Variants in HUWE1 observed in about 807,000 individuals in gnomAD.
HUWE1 encodes HECT, UBA and WWE domain containing E3 ubiquitin protein ligase 1.
Under a neutral mutation model 299.4 loss-of-function variants are expected in HUWE1, and 18 were observed. The observed-to-expected ratio is 0.06, with a 90% CI of 0.04 to 0.09. The LOEUF (loss-of-function observed/expected upper bound fraction) is 0.09, where lower values mean the gene tolerates loss of function less well. Among genes scored for constraint, HUWE1 ranks in the 10% least tolerant of loss-of-function variants. HUWE1 has a pLI of 1.00. For synonymous variants in HUWE1, 1,317 were observed against 1,286.1 expected, an observed-to-expected ratio of 1.02 and a Z score of -0.51; for missense variants, 1,832 against 3,462.3, an observed-to-expected ratio of 0.53 and a Z score of 11.82.
At chrX:53,603,345 AAG>A (rs113393693) in intron 27 of HUWE1, 21 bp downstream of exon 27, 1 of 1,203,181 alleles carries the variant, frequency 8.3e-7, no homozygotes, top group Non-Finnish European at 1.1e-6. Context: ...ACAAAGTAAT[AAG>A]AGAGAGAGCC....
intron 74 of HUWE1, 126 bp from the exon 75 acceptor site, chrX:53,539,938 C>A: frequency 1.7e-6 from 1 of 591,488 alleles, no homozygotes; most frequent in East Asian, 3.6e-5. Flanking sequence ...CTGAGTGGTA[C>A]TCACCGAGCA....
chrX:53,609,906 A>T (rs1443185680), intron 23 of HUWE1, among the ~76,000 whole-genome samples: 1 of 111,909 alleles, frequency 8.9e-6, no homozygotes, highest in African/African-American at 3.3e-5. Flanking sequence ...TGGCAGCAGA[A>T]TATAGAACAG....
chrX:53,632,422 A>G (rs1225512311), intron 9 of HUWE1, 65 bp downstream of exon 9: 1 of 822,100 alleles, frequency 1.2e-6, no homozygotes, highest in African/African-American at 2.0e-5. Flanking sequence ...GAGGAGTTCT[A>G]GAAGAGGCAA....
At position 53,552,313 on chromosome X, in the gene HUWE1, G is replaced by A; in HGVS notation, c.8879C>T (p.Ala2960Val). ...STSSEEEDPL[A>V]GISLPEGVDP... ...ACCTGGGCATACACGGAACTCACCCGCAAGGGGATCTTCTTCTTCACTGCT... is the reference window on the plus strand; with the variant it reads ...ACCTGGGCATACACGGAACTCACCCACAAGGGGATCTTCTTCTTCACTGCT... The change falls in exon 63 of 84, where the codon GCG becomes GTG. Residue 2960 changes from alanine to valine, a missense_variant and splice_region_variant. Around this residue, in one of 15 missense-constraint regions of HUWE1, gnomAD observed 91 missense variants for 281.2 expected, o/e 0.32. Transcript: ENST00000262854. 2 of 1,210,981 alleles carry A rather than the reference G, an allele frequency of 1.7e-6. No individual in the cohort carries two copies. The highest frequency in any genetic ancestry group is 1.1e-6 in the Non-Finnish European group (1 of 895,137).
chrX:53,569,418 C>G (rs1256021594), intron 48 of HUWE1, among the ~76,000 whole-genome samples, 198 bp downstream of exon 48: 1 of 112,860 alleles, frequency 8.9e-6, no homozygotes, highest in East Asian at 2.8e-4. Context: ...CCTTTGTTTT[C>G]TCTAGGTTTA....
intron 18 of HUWE1, among the ~76,000 whole-genome samples, 197 bp downstream of exon 18, chrX:53,624,960 G>A (rs1250282309): frequency 1.8e-5 from 2 of 112,121 alleles, no homozygotes; most frequent in South Asian, 3.7e-4. Flanking sequence ...GGGAAAAAAA[G>A]GGTAAATCAT....
chrX:53,610,242 C>T (rs1035754645), intron 23 of HUWE1, among the ~76,000 whole-genome samples: 1 of 111,847 alleles, frequency 8.9e-6, no homozygotes, highest in East Asian at 2.8e-4. Context: ...TGGCAAAGAG[C>T]CTAAGTAGTA....
rs1479620778 is a variant in HUWE1 at position 53,653,196 on chromosome X, T to C, written c.45+867A>G. Among the ~76,000 whole-genome samples, 7 of 112,502 alleles carry C rather than the reference T, an allele frequency of 6.2e-5. No individual in the cohort carries two copies. In the Admixed American group the frequency reaches 6.6e-4, roughly 11 times the overall value. ...CTGGAAGAAATGCAGCAAAATGTTATTGTTATCTTTTGGTGATACTTGCCA... is the reference window on the plus strand; with the variant it reads ...CTGGAAGAAATGCAGCAAAATGTTACTGTTATCTTTTGGTGATACTTGCCA... On this transcript the variant is annotated intron_variant, in intron 4 of 83. Coordinates refer to ENST00000262854, the MANE Select transcript of HUWE1 (RefSeq NM_031407.7).
rs139152809 is a variant in HUWE1 at position 53,616,974 on chromosome X, G to C, written c.1953C>G (p.Pro651=). The change falls in exon 21 of 84, where the codon CCC becomes CCG. Residue 651 remains proline, a synonymous_variant. Coordinates refer to ENST00000262854, the MANE Select transcript of HUWE1 (RefSeq NM_031407.7). ...PAMRRRRSSD[P]LGDTASNLGS... ...AAATAAATCTTAACAACTTACCAAG[G>C]GGATCAGAACTTCTCCTCCTCCGCA... 222 of 1,203,680 alleles carry C rather than the reference G, an allele frequency of 1.8e-4. No homozygotes were observed. In the African/African-American group the frequency reaches 3.7e-3, roughly 20 times the overall value.
At chrX:53,584,722 C>T (rs908778104) in intron 40 of HUWE1, among the ~76,000 whole-genome samples, 25 of 111,630 alleles carry the variant, frequency 2.2e-4, no homozygotes, top group Non-Finnish European at 1.9e-4. Context: ...TAACTCTCCT[C>T]CTCCTAACAC....
intron 12 of HUWE1, among the ~76,000 whole-genome samples, chrX:53,630,210 T>C (rs180896697): frequency 8.9e-6 from 1 of 112,336 alleles, no homozygotes; most frequent in African/African-American, 3.2e-5. Flanking sequence ...GAAATCATGC[T>C]AGATATGAGT....
At chrX:53,667,232 A>G (rs1194784015) in intron 3 of HUWE1, among the ~76,000 whole-genome samples, 1 of 112,730 alleles carries the variant, frequency 8.9e-6, no homozygotes, top group Non-Finnish European at 1.9e-5. Context: ...AATACAGAGT[A>G]TATCTTTAAG....
chrX:53,604,881 A>T, intron 25 of HUWE1, 47 bp from the exon 26 acceptor site: 1 of 1,113,981 alleles, frequency 9.0e-7, no homozygotes, highest in Non-Finnish European at 1.2e-6. Flanking sequence ...ATGAACTTCA[A>T]ATTCATCATG....
At chrX:53,604,983 C>T (rs782758330) in intron 25 of HUWE1, 149 bp from the exon 26 acceptor site, 3 of 510,324 alleles carry the variant, frequency 5.9e-6, no homozygotes, top group Non-Finnish European at 9.9e-6. Context: ...AATGGTGGAA[C>T]CCAAATATGA....
At chrX:53,585,485 G>A (rs1402782221) in intron 39 of HUWE1, among the ~76,000 whole-genome samples, 5 of 111,218 alleles carry the variant, frequency 4.5e-5, no homozygotes, top group Non-Finnish European at 7.5e-5. Context: ...TGGGGACTCC[G>A]CCCCTCATGA....
At position 53,681,961 on chromosome X, in the gene HUWE1, T is replaced by C. The variant is rs782024136; in HGVS notation, c.-162-1775A>G. Among the ~76,000 whole-genome samples, 7 of 110,470 alleles carry C rather than the reference T, an allele frequency of 6.3e-5. No individual in the cohort carries two copies. The East Asian group carries it at 2.0e-3, about 31-fold the overall frequency. On this transcript the variant is annotated intron_variant, in intron 2 of 83. Coordinates refer to ENST00000262854, the MANE Select transcript of HUWE1 (RefSeq NM_031407.7). ...TAGACCATTAGAAGGAAACAAAGAG[T>C]GGGAATCACGTTCAAACATCATGAA...
chrX:53,590,991 C>A lies in HUWE1; in HGVS notation c.4095+9G>T. 1 of 1,210,950 alleles carries A rather than the reference C, an allele frequency of 8.3e-7. No individual in the cohort carries two copies. Among genetic ancestry groups the A allele is most frequent in the Non-Finnish European group, 1.1e-6 (1 of 895,201 alleles). On this transcript the variant is annotated intron_variant, in intron 34 of 83. Transcript: ENST00000262854. Reference sequence around the variant, plus strand: ...ATCCTGGAAAATCACTGCTTCTGAGCCAACTTACCCGAACAACTCCTCCCA... The same window carrying A: ...ATCCTGGAAAATCACTGCTTCTGAGACAACTTACCCGAACAACTCCTCCCA...
intron 60 of HUWE1, chrX:53,557,135 T>C (rs370407955): frequency 7.3e-5 from 36 of 492,003 alleles, no homozygotes; most frequent in South Asian, 2.5e-4. Flanking sequence ...CAGAACAAAG[T>C]AGATAATAAC....
intron 47 of HUWE1, among the ~76,000 whole-genome samples, chrX:53,572,120 T>C (rs2062859706): frequency 8.9e-6 from 1 of 112,336 alleles, no homozygotes; most frequent in Non-Finnish European, 1.9e-5. Flanking sequence ...TGGAATTTTA[T>C]ACAGATGAAA....
Sources: gnomAD v4.1 joint callset for allele counts (sites outside exome capture counted in the v4.1 genomes callset) on GRCh38, gnomAD v4.1.1 for gene constraint, gnomAD v4.1.1 regional missense constraint, MANE v1.5 for transcripts, NCBI Gene and HGNC (gene_info 2026-07-23, HGNC 2026-07-21) for gene names.